Variants in VPS53 observed in about 807,000 individuals in gnomAD.
VPS53 encodes the protein vacuolar protein sorting-associated protein 53 homolog.
In VPS53, 70 loss-of-function variants were observed where a neutral mutation model predicts 107.0. The ratio of observed to expected loss-of-function variants is 0.65; its 90% CI spans 0.54 to 0.80. VPS53 has a LOEUF of 0.80. Ranked by LOEUF, VPS53 falls within the 30% of genes least tolerant of loss-of-function variation. The pLI is 0.00. For synonymous variants in VPS53, 409 were observed against 393.3 expected (o/e 1.04, Z -0.47); for missense variants, 917 against 1,049.4 (o/e 0.87, Z 1.74).
chr17:553,369 A>G lies in VPS53; in HGVS notation c.1787+11T>C. On this transcript the variant is annotated intron_variant, in intron 16 of 21. Transcript: ENST00000437048. The stretch of plus-strand genomic sequence containing the variant: ...GGGCAGGCAGCCAGTAAGTGTGTGC[A>G]GGGTACATACGTGCTGAACGTGTCC... The G allele has an allele frequency of 6.2e-7, 1 of 1,613,660 alleles. No individual in the cohort carries two copies. The highest frequency in any genetic ancestry group is 8.5e-7 in the Non-Finnish European group (1 of 1,179,652).
intron 16 of VPS53, chr17:552,574 G>A (rs4968145): frequency 0.52 from 78,931 of 153,160 alleles, 20,577 homozygotes; most frequent in South Asian, 0.56. Flanking sequence ...TTATTCCCTC[G>A]GTGGCTAAAT....
At chr17:695,497 G>A (rs558698005) in intron 4 of VPS53, among the ~76,000 whole-genome samples, 6 of 152,158 alleles carry the variant, frequency 3.9e-5, no homozygotes, top group Admixed American at 3.9e-4. Flanking sequence ...GAACACAAGA[G>A]GAGGCAAAAC....
chr17:573,557 G>C (rs964049900), intron 13 of VPS53, among the ~76,000 whole-genome samples: 1 of 152,148 alleles, frequency 6.6e-6, no homozygotes. Flanking sequence ...CACCCACATA[G>C]GAGTCCTGAA....
chr17:520,786 T>TG lies in VPS53; in HGVS notation c.2223+814_2223+815insC, dbSNP rs762513721. Reference sequence around the variant, plus strand: ...CAGCTTCACCCTCACCTACATGAGCTCTTCACCCTCACCTACATGAGCTGC... The same window carrying TG: ...CAGCTTCACCCTCACCTACATGAGCTGCTTCACCCTCACCTACATGAGCTGC... On this transcript the variant is annotated intron_variant, in intron 20 of 21. Coordinates refer to ENST00000437048, the MANE Select transcript of VPS53 (RefSeq NM_001128159.3). This position sits in a 1 kb window ranked among gnomAD's most constrained non-coding sequence, Gnocchi z 4.4. 4.3e-5 allele frequency among the ~76,000 whole-genome samples: 5 copies of TG among 116,048 alleles called. No individual in the cohort carries two copies. Among genetic ancestry groups the TG allele is most frequent in the Admixed American group, 2.7e-4 (3 of 11,074 alleles). 76.1% of individuals were successfully genotyped at this position (116,048 alleles called of 152,430 possible).
intron 4 of VPS53, among the ~76,000 whole-genome samples, chr17:665,311 A>C (rs1015360359): frequency 6.6e-6 from 1 of 152,098 alleles, no homozygotes; most frequent in African/African-American, 2.4e-5. Flanking sequence ...GGGACGACGC[A>C]GTGAGAAAGC....
chr17:651,387 A>C (rs7220896), intron 7 of VPS53, among the ~76,000 whole-genome samples: 266 of 152,352 alleles, frequency 1.7e-3, no homozygotes, highest in African/African-American at 6.1e-3. Flanking sequence ...CTGGGAGCCC[A>C]AGACCAGCCC....
chr17:603,374 A>G (rs1448592930), intron 11 of VPS53, among the ~76,000 whole-genome samples: 5 of 152,238 alleles, frequency 3.3e-5, no homozygotes, highest in Admixed American at 6.5e-5. Flanking sequence ...GTGAGCCAAG[A>G]TGGCACCACT....
intron 2 of VPS53, among the ~76,000 whole-genome samples, chr17:700,335 G>C (rs1013444248): frequency 2.6e-5 from 4 of 151,958 alleles, no homozygotes. Context: ...CTGAGGTCAG[G>C]AGTTTGAGAC....
rs572464617 is a variant in VPS53 at position 541,807 on chromosome 17, C to T, written c.1867-4631G>A. On this transcript the variant is annotated intron_variant, in intron 17 of 21. Coordinates refer to ENST00000437048, the MANE Select transcript of VPS53 (RefSeq NM_001128159.3). ...GAAGGAACGTTTATCAAGCACCTAC[C>T]ACGCACTGAAGGAACGTTTATCAAG... Among the ~76,000 whole-genome samples the T allele has an allele frequency of 2.8e-3, 410 of 147,138 alleles. 1 individual carries two copies. Among genetic ancestry groups the T allele is most frequent in the Non-Finnish European group, 4.2e-3 (281 of 67,004 alleles).
intron 3 of VPS53, 120 bp from the exon 4 acceptor site, chr17:697,604 A>G (rs1973024509): frequency 1.3e-6 from 1 of 791,110 alleles, no homozygotes; most frequent in Non-Finnish European, 2.1e-6. Context: ...AATTGTCCAG[A>G]AAACCAAACA....
intron 17 of VPS53, among the ~76,000 whole-genome samples, chr17:545,695 G>C (rs1372132880): frequency 6.6e-6 from 1 of 152,182 alleles, no homozygotes; most frequent in Non-Finnish European, 1.5e-5. Flanking sequence ...AGTTAAGCAA[G>C]TACTGTGCCA....
chr17:619,231 G>A (rs1341334891), intron 11 of VPS53, among the ~76,000 whole-genome samples: 1 of 130,740 alleles, frequency 7.6e-6, no homozygotes, highest in Non-Finnish European at 1.6e-5. Flanking sequence ...TGCCCACGAC[G>A]CCTGCTAATA....
At chr17:617,026 A>T (rs980287649) in intron 11 of VPS53, among the ~76,000 whole-genome samples, 1 of 152,142 alleles carries the variant, frequency 6.6e-6, no homozygotes, top group Admixed American at 6.5e-5. Context: ...ATGGCTCAAA[A>T]CAAGTGCTTG....
At chr17:548,210 T>C (rs1440009435) in intron 17 of VPS53, among the ~76,000 whole-genome samples, 1 of 152,258 alleles carries the variant, frequency 6.6e-6, no homozygotes, top group Non-Finnish European at 1.5e-5. Flanking sequence ...GAAAGCTCTA[T>C]ATGCCAACCA....
Position 631,586 on chromosome 17 carries a change from T to C in VPS53, c.651A>G (p.Ala217=). Residue 217 remains alanine, a synonymous_variant, in exon 8 of 22, where the codon GCA becomes GCG. Transcript: ENST00000437048. ...AQTELGQQIL[A]DFEEAFPSQG... is the part of the protein sequence containing the mutation. ...GGGAAGGAAACGCTTCTTCAAAATC[T>C]GCCAGGATTTGCTGTCCTAACTCAG... is the stretch of plus-strand genomic sequence containing the variant. 8 of 1,614,118 alleles carry C rather than the reference T, an allele frequency of 5.0e-6. No individual in the cohort carries two copies. Among genetic ancestry groups the C allele is most frequent in the Non-Finnish European group, 6.8e-6 (8 of 1,180,000 alleles).
intron 13 of VPS53, among the ~76,000 whole-genome samples, chr17:571,530 ACGGTCTCCCTCTCCC>A (rs1434049308): frequency 1.3e-4 from 18 of 133,678 alleles, no homozygotes; most frequent in African/African-American, 5.1e-4. Flanking sequence ...CCCTCTCCCT[ACGGTCTCCCTCTCCC>A]CACGGTCTCC....
At chr17:629,055 G>C (rs1208772228) in intron 8 of VPS53, among the ~76,000 whole-genome samples, 1 of 152,214 alleles carries the variant, frequency 6.6e-6, no homozygotes, top group Non-Finnish European at 1.5e-5. Context: ...TGGAGCACTT[G>C]CTCACCTCAT....
intron 19 of VPS53, among the ~76,000 whole-genome samples, chr17:525,329 TG>T (rs1388372357): frequency 6.6e-6 from 1 of 151,996 alleles, no homozygotes; most frequent in Non-Finnish European, 1.5e-5. Context: ...GAGGAAGAGA[TG>T]GGCAGGGTGG....
At chr17:702,361 T>A (rs1567751562) in intron 2 of VPS53, among the ~76,000 whole-genome samples, 1 of 150,970 alleles carries the variant, frequency 6.6e-6, no homozygotes, top group Non-Finnish European at 1.5e-5. Context: ...AAAGAAAAAA[T>A]AAATAAAAAT....
Sources: gnomAD v4.1 joint callset for allele counts (sites outside exome capture counted in the v4.1 genomes callset) on GRCh38, gnomAD v4.1.1 for gene constraint, Gnocchi (gnomAD v3.1) non-coding constraint, MANE v1.5 for transcripts, NCBI Gene and HGNC (gene_info 2026-07-23, HGNC 2026-07-21) for gene names.